AGAP1: variants seen among roughly 807,000 people sequenced by gnomAD.
AGAP1 encodes arf-GAP with GTPase, ANK repeat and PH domain-containing protein 1.
A neutral mutation model predicts 105.3 loss-of-function variants in AGAP1; 29 were observed. That is an observed-to-expected ratio of 0.28 (90% CI 0.21 to 0.38). The LOEUF is 0.38. Ranked by LOEUF, AGAP1 falls within the 10% of genes least tolerant of loss-of-function variation. AGAP1 has a pLI of 1.00. For missense variants in AGAP1, 998 were observed against 1,165.1 expected (o/e 0.86, Z 2.09); for synonymous variants, 509 against 485.9 (o/e 1.05, Z -0.63).
intron 1 of AGAP1, among the ~76,000 whole-genome samples, chr2:235,678,492 C>T (rs1948878081): frequency 6.6e-6 from 1 of 152,168 alleles, no homozygotes; most frequent in Non-Finnish European, 1.5e-5. Context: ...CTGGCTTCTC[C>T]TATCACTGGA....
intron 1 of AGAP1, among the ~76,000 whole-genome samples, chr2:235,538,270 A>G (rs1056272434): frequency 6.6e-6 from 1 of 152,198 alleles, no homozygotes; most frequent in Non-Finnish European, 1.5e-5. Context: ...GTTTTTGGCT[A>G]AGGCATATTG....
chr2:235,769,592 A>G lies in AGAP1; in HGVS notation c.673+19104A>G, dbSNP rs1048043083. Among the ~76,000 whole-genome samples, 1 of 152,184 alleles carries G rather than the reference A, an allele frequency of 6.6e-6. No homozygotes were observed. Among genetic ancestry groups the G allele is most frequent in the Non-Finnish European group, 1.5e-5 (1 of 68,026 alleles). On this transcript the variant is annotated intron_variant, in intron 6 of 17. Coordinates refer to ENST00000304032, the MANE Select transcript of AGAP1 (RefSeq NM_001037131.3). This position sits in a 1 kb window ranked among gnomAD's most constrained non-coding sequence, Gnocchi z 4.4. The stretch of plus-strand genomic sequence containing the variant: ...TCCGTTCATGCTGTTGCGTGAGATA[A>G]GTTAGGATGCTCTTGAAGAAGTTTA...
intron 9 of AGAP1, among the ~76,000 whole-genome samples, chr2:235,849,590 C>T (rs971949290): frequency 2.0e-5 from 3 of 152,178 alleles, no homozygotes; most frequent in Admixed American, 1.3e-4. Flanking sequence ...CCCCTTATGC[C>T]TGTACGCTCA....
chr2:236,128,772 G>A lies in AGAP1; in HGVS notation c.*4650G>A, dbSNP rs1209884550. 6.6e-6 allele frequency: 1 copy of A among 152,168 alleles called. No individual in the cohort carries two copies. Among genetic ancestry groups the A allele is most frequent in the African/African-American group, 2.4e-5 (1 of 41,442 alleles). The allele number at this position is 152,168 out of a possible 1,614,324, so 9.4% of individuals were successfully genotyped here. ...CTTCCCCTGAGATGCGGTATGATCAGGCCTCAGCAACTACTCAGGAGGCAA... is the reference window on the plus strand; with the variant it reads ...CTTCCCCTGAGATGCGGTATGATCAAGCCTCAGCAACTACTCAGGAGGCAA... On this transcript the variant is annotated 3_prime_UTR_variant, in exon 18 of 18. Transcript: ENST00000304032. The surrounding 1 kb of genome is among the most constrained non-coding windows in gnomAD (Gnocchi z 5.9).
chr2:235,964,147 G>A lies in AGAP1; in HGVS notation c.1484-4315G>A, dbSNP rs1358051389. Among the ~76,000 whole-genome samples the A allele has an allele frequency of 1.3e-5, 2 of 152,124 alleles. No homozygotes were observed. The highest frequency in any genetic ancestry group is 2.9e-5 in the Non-Finnish European group (2 of 68,036). Reference sequence around the variant, plus strand: ...GTGGGCTCCGTGGGAGTGTAGAGATGAGAAATGTTAGTTTGGGAGAGAGTG... The same window carrying A: ...GTGGGCTCCGTGGGAGTGTAGAGATAAGAAATGTTAGTTTGGGAGAGAGTG... On this transcript the variant is annotated intron_variant, in intron 12 of 17. Coordinates refer to ENST00000304032, the MANE Select transcript of AGAP1 (RefSeq NM_001037131.3). This position sits in a 1 kb window ranked among gnomAD's most constrained non-coding sequence, Gnocchi z 4.6.
intron 9 of AGAP1, among the ~76,000 whole-genome samples, chr2:235,861,386 G>T (rs1243529505): frequency 6.6e-6 from 1 of 152,078 alleles, no homozygotes; most frequent in East Asian, 1.9e-4. Context: ...CCAGATTTTT[G>T]CAACTGGTAA....
intron 9 of AGAP1, among the ~76,000 whole-genome samples, chr2:235,863,962 G>A (rs1234161431): frequency 1.3e-5 from 2 of 152,218 alleles, no homozygotes; most frequent in Non-Finnish European, 2.9e-5. Context: ...AAAAGTGTGT[G>A]TTGGAGAGAA....
chr2:235,809,590 C>T (rs911669360), intron 9 of AGAP1, among the ~76,000 whole-genome samples: 2 of 152,136 alleles, frequency 1.3e-5, no homozygotes, highest in East Asian at 3.9e-4. Flanking sequence ...TAAATGTTAG[C>T]AAAACTGGAT....
intron 13 of AGAP1, among the ~76,000 whole-genome samples, chr2:236,031,439 G>A (rs1207281856): frequency 6.6e-6 from 1 of 152,150 alleles, no homozygotes; most frequent in African/African-American, 2.4e-5. Context: ...CAGGAGCCTG[G>A]AGCCAGCCTT....
chr2:235,520,368 G>C (rs971305563), intron 1 of AGAP1, among the ~76,000 whole-genome samples: 3 of 152,192 alleles, frequency 2.0e-5, no homozygotes, highest in Non-Finnish European at 2.9e-5. Context: ...CCAATGAGTA[G>C]GTTCCATGAC....
intron 2 of AGAP1, 74 bp from the exon 3 acceptor site, chr2:235,717,483 T>C (rs1239832808): frequency 6.2e-6 from 8 of 1,286,814 alleles, no homozygotes; most frequent in Non-Finnish European, 8.7e-6. Flanking sequence ...CTGTCTATTT[T>C]AGCCTCTTAG....
chr2:235,631,263 G>C lies in AGAP1; in HGVS notation c.164-77916G>C, dbSNP rs1481590129. 1.3e-5 allele frequency among the ~76,000 whole-genome samples: 2 copies of C among 152,190 alleles called. No homozygotes were observed. Among genetic ancestry groups the C allele is most frequent in the Non-Finnish European group, 2.9e-5 (2 of 68,038 alleles). ...GCTGTCAGATCCCAGGGTAACAAAA[G>C]GGTGGTGTCCCCTAAAGGCTTGGAA... On this transcript the variant is annotated intron_variant, in intron 1 of 17. Transcript: ENST00000304032. The surrounding 1 kb of genome is among the most constrained non-coding windows in gnomAD (Gnocchi z 5.4).
At chr2:236,049,389 G>A in intron 16 of AGAP1, 108 bp downstream of exon 16, 1 of 969,908 alleles carries the variant, frequency 1.0e-6, no homozygotes, top group Non-Finnish European at 1.5e-6. Context: ...TAACCTGTAG[G>A]AATTCGGGAA....
intron 1 of AGAP1, among the ~76,000 whole-genome samples, chr2:235,540,246 G>A (rs992496295): frequency 3.3e-5 from 5 of 150,256 alleles, no homozygotes; most frequent in African/African-American, 1.2e-4. Flanking sequence ...TGCCTCCTGA[G>A]TTCAGGCAAT....
rs2057819284 is a variant in AGAP1, at chr2:236,049,165, G to A, written c.1998G>A (p.Leu666=). 6.2e-7 allele frequency: 1 copy of A among 1,614,106 alleles called. No homozygotes were observed. Among genetic ancestry groups the A allele is most frequent in the African/African-American group, 1.3e-5 (1 of 74,932 alleles). ...TTTCCCGAGTCCGATCTCTGGACCT[G>A]GATGACTGGCCAGTCGAGCTCATCA... ...THLSRVRSLD[L]DDWPVELIKV... Residue 666 remains leucine, a synonymous_variant, in exon 16 of 18, where the codon CTG becomes CTA. Transcript: ENST00000304032.
chr2:235,564,969 G>A lies in AGAP1; in HGVS notation c.163+70120G>A, dbSNP rs368860796. Among the ~76,000 whole-genome samples, 39 of 150,500 alleles carry A rather than the reference G, an allele frequency of 2.6e-4. No homozygotes were observed. The East Asian group carries it at 4.4e-3, about 17-fold the overall frequency. On this transcript the variant is annotated intron_variant, in intron 1 of 17. Coordinates refer to ENST00000304032, the MANE Select transcript of AGAP1 (RefSeq NM_001037131.3). The stretch of plus-strand genomic sequence containing the variant: ...GGTCTAGACCACCACCCATGGCCAG[G>A]TGTGAGCCAGGATCATCCTCCCAGG...
Position 235,872,516 on chromosome 2 carries a change from ACT to A in AGAP1, c.1051-10824_1051-10823del. ...GGGCCATTGGCACTCACTGACAGGAACTCTCTTCCTGAGCATCTCAGGCAGAG... is the reference window on the plus strand; with the variant it reads ...GGGCCATTGGCACTCACTGACAGGAACTCTTCCTGAGCATCTCAGGCAGAG... On this transcript the variant is annotated intron_variant, in intron 9 of 17. Transcript: ENST00000304032. The surrounding 1 kb of genome is among the most constrained non-coding windows in gnomAD (Gnocchi z 4.5). 6.6e-6 allele frequency among the ~76,000 whole-genome samples: 1 copy of A among 152,064 alleles called. No individual in the cohort carries two copies. Among genetic ancestry groups the A allele is most frequent in the African/African-American group, 2.4e-5 (1 of 41,480 alleles).
chr2:235,625,001 A>G lies in AGAP1; in HGVS notation c.164-84178A>G, dbSNP rs1946593901. Among the ~76,000 whole-genome samples the G allele has an allele frequency of 6.6e-6, 1 of 152,176 alleles. No individual in the cohort carries two copies. The highest frequency in any genetic ancestry group is 1.5e-5 in the Non-Finnish European group (1 of 68,024). On this transcript the variant is annotated intron_variant, in intron 1 of 17. Transcript: ENST00000304032. This position sits in a 1 kb window ranked among gnomAD's most constrained non-coding sequence, Gnocchi z 4.0. ...TGAGGCCTCACCAAAACAGATGCTG[A>G]TGCCATGCTTTCTATACACTCTGCA...
chr2:235,722,077 A>G (rs1951414245), intron 3 of AGAP1, among the ~76,000 whole-genome samples: 1 of 152,244 alleles, frequency 6.6e-6, no homozygotes, highest in Non-Finnish European at 1.5e-5. Context: ...GTTACTCCAT[A>G]GAGAGCTTGT....
Sources: gnomAD v4.1 joint callset for allele counts (sites outside exome capture counted in the v4.1 genomes callset) on GRCh38, gnomAD v4.1.1 for gene constraint, Gnocchi (gnomAD v3.1) non-coding constraint, MANE v1.5 for transcripts, NCBI Gene and HGNC (gene_info 2026-07-23, HGNC 2026-07-21) for gene names.